Variants in GABRG2 observed in about 807,000 individuals in gnomAD.
GABRG2 encodes the protein gamma-aminobutyric acid receptor subunit gamma-2.
A neutral mutation model predicts 56.4 loss-of-function variants in GABRG2; 16 were observed. The ratio of observed to expected loss-of-function variants is 0.28; its 90% CI spans 0.19 to 0.43. The LOEUF (loss-of-function observed/expected upper bound fraction) is 0.43, where lower values mean the gene tolerates loss of function less well. Among genes scored for constraint, GABRG2 ranks in the 20% least tolerant of loss-of-function variants. GABRG2 has a pLI of 1.00. For missense variants in GABRG2, 327 were observed against 582.7 expected, an observed-to-expected ratio of 0.56 and a Z score of 4.52; for synonymous variants, 208 against 205.5, an observed-to-expected ratio of 1.01 and a Z score of -0.10.
At chr5:162,148,546 G>T (rs957773023) in intron 7 of GABRG2, among the ~76,000 whole-genome samples, 1 of 152,178 alleles carries the variant, frequency 6.6e-6, no homozygotes, top group African/African-American at 2.4e-5. Flanking sequence ...TAAACTGTCT[G>T]CATGTGCCAC....
At chr5:162,121,401 A>C (rs1216143678) in intron 6 of GABRG2, among the ~76,000 whole-genome samples, 1 of 152,114 alleles carries the variant, frequency 6.6e-6, no homozygotes, top group Non-Finnish European at 1.5e-5. Context: ...TTTGTATATG[A>C]ATGATGACAC....
At chr5:162,067,677 G>T (rs373691169), upstream of GABRG2, 3 of 597,562 alleles carry the variant, frequency 5.0e-6, no homozygotes, top group South Asian at 2.1e-5. Flanking sequence ...ACGAGTGTGC[G>T]TGTCTTTCCC....
At chr5:162,143,834 T>A (rs1048875924) in intron 7 of GABRG2, among the ~76,000 whole-genome samples, 1 of 152,236 alleles carries the variant, frequency 6.6e-6, no homozygotes, top group African/African-American at 2.4e-5. Flanking sequence ...AAATGTTGGC[T>A]ACTATAGTCA....
At chr5:162,137,128 A>G (rs73800426) in intron 6 of GABRG2, among the ~76,000 whole-genome samples, 105 of 152,186 alleles carry the variant, frequency 6.9e-4, no homozygotes, top group African/African-American at 2.4e-3. Context: ...ATCCACAAAA[A>G]TGTTCTGGAT....
At chr5:162,147,409 G>T (rs1230782142) in intron 7 of GABRG2, among the ~76,000 whole-genome samples, 1 of 150,900 alleles carries the variant, frequency 6.6e-6, no homozygotes, top group Non-Finnish European at 1.5e-5. Flanking sequence ...TTGTCACCCA[G>T]GCCGGAGTGC....
chr5:162,085,377 A>C (rs1759992442), intron 1 of GABRG2, among the ~76,000 whole-genome samples: 1 of 151,942 alleles, frequency 6.6e-6, no homozygotes, highest in South Asian at 2.1e-4. Context: ...ATAAAGAGAT[A>C]AATGAGAAAT....
chr5:162,153,514 C>T lies in GABRG2; in HGVS notation c.*146C>T. 4 of 1,025,038 alleles carry T rather than the reference C, an allele frequency of 3.9e-6. No individual in the cohort carries two copies. In the South Asian group the frequency reaches 5.4e-5, roughly 14 times the overall value. The allele number at this position is 1,025,038 out of a possible 1,614,324, so 63.5% of individuals were successfully genotyped here. A position where few individuals can be genotyped will look rare whatever the true frequency, so the allele number is the denominator to read the frequency against. Reference sequence around the variant, plus strand: ...CCAAACCTGGTAAATTTTATAATGTCATATTGTTTGTGCCCAGCCCTCCTT... The same window carrying T: ...CCAAACCTGGTAAATTTTATAATGTTATATTGTTTGTGCCCAGCCCTCCTT... On this transcript the variant is annotated 3_prime_UTR_variant, in exon 10 of 10. Coordinates refer to ENST00000639213, the MANE Select transcript of GABRG2 (RefSeq NM_198904.4).
At chr5:162,102,513 G>A in intron 5 of GABRG2, 2 of 452,410 alleles carry the variant, frequency 4.4e-6, no homozygotes, top group South Asian at 3.1e-5. Context: ...CATCATTTTT[G>A]TTGTTGTTGT....
At chr5:162,141,520 C>T (rs149463613) in intron 6 of GABRG2, among the ~76,000 whole-genome samples, 60 of 152,198 alleles carry the variant, frequency 3.9e-4, no homozygotes, top group African/African-American at 1.4e-3. Flanking sequence ...TAAATGGGAA[C>T]TGTTTGTAGA....
chr5:162,108,573 G>A (rs757054182), intron 6 of GABRG2, among the ~76,000 whole-genome samples: 14 of 152,114 alleles, frequency 9.2e-5, no homozygotes, highest in Non-Finnish European at 1.9e-4. Flanking sequence ...AACTTGAAGC[G>A]ATTTTTAAGA....
chr5:162,078,201 A>G (rs1309258915), intron 1 of GABRG2, among the ~76,000 whole-genome samples: 1 of 151,750 alleles, frequency 6.6e-6, no homozygotes, highest in Non-Finnish European at 1.5e-5. Context: ...GTCTGAGATC[A>G]GAATGCCACC....
chr5:162,129,352 A>C (rs1419539520), intron 6 of GABRG2: 3 of 152,008 alleles, frequency 2.0e-5, no homozygotes, highest in Admixed American at 6.6e-5. Flanking sequence ...ACAAGTCTTA[A>C]AACATCACTA....
At chr5:162,137,845 A>G (rs1431649449) in intron 6 of GABRG2, among the ~76,000 whole-genome samples, 1 of 152,008 alleles carries the variant, frequency 6.6e-6, no homozygotes, top group East Asian at 1.9e-4. Flanking sequence ...TCCACGTCCC[A>G]GGCTCAAGGG....
chr5:162,107,512 A>G (rs544643064), intron 6 of GABRG2, among the ~76,000 whole-genome samples: 3 of 152,316 alleles, frequency 2.0e-5, no homozygotes, highest in East Asian at 3.9e-4. Context: ...GAATTTGCTC[A>G]CCAGGAAATT....
chr5:162,151,737 G>A lies in GABRG2; in HGVS notation c.1136G>A (p.Arg379Gln), dbSNP rs755430911. The A allele has an allele frequency of 2.1e-5, 34 of 1,607,478 alleles. No homozygotes were observed. The highest frequency in any genetic ancestry group is 2.6e-5 in the Non-Finnish European group (31 of 1,177,178). Residue 379 changes from arginine to glutamine, a missense_variant, in exon 9 of 10, where the codon CGG (arginine) becomes CAG (glutamine). Arg to Gln is a conservative substitution (Grantham distance 43). Transcript: ENST00000639213. ...CTGTCTACAAACCCAAAGCTTCTTC[G>A]GATGTTTTCCTTCAAGGTATAATGT... ...KDKKKKNPLL[R>Q]MFSFKAPTID...
At chr5:162,105,160 T>C (rs1761706883) in intron 6 of GABRG2, among the ~76,000 whole-genome samples, 1 of 152,150 alleles carries the variant, frequency 6.6e-6, no homozygotes, top group African/African-American at 2.4e-5. Context: ...AATCAGGCCT[T>C]CATCTACTTT....
At chr5:162,143,257 C>T (rs1764715121) in intron 7 of GABRG2, among the ~76,000 whole-genome samples, 1 of 152,152 alleles carries the variant, frequency 6.6e-6, no homozygotes, top group Non-Finnish European at 1.5e-5. Flanking sequence ...TTGGCTATTC[C>T]CCACGAGTAA....
chr5:162,086,654 A>C, intron 1 of GABRG2, among the ~76,000 whole-genome samples: 1 of 151,974 alleles, frequency 6.6e-6, no homozygotes, highest in East Asian at 1.9e-4. Flanking sequence ...CACTACAGAT[A>C]ATTTTTCTTG....
intron 6 of GABRG2, among the ~76,000 whole-genome samples, chr5:162,124,420 A>T (rs562565458): frequency 1.6e-4 from 25 of 152,036 alleles, no homozygotes; most frequent in African/African-American, 5.8e-4. Context: ...AGAATTACCT[A>T]TCTAGCAGAA....
Sources: allele counts gnomAD v4.1 joint callset (sites outside exome capture counted in the v4.1 genomes callset), GRCh38; gene constraint gnomAD v4.1.1; transcripts MANE v1.5; gene names NCBI Gene and HGNC (gene_info 2026-07-23, HGNC 2026-07-21).